KLHL6: variants seen among roughly 807,000 people sequenced by gnomAD.
KLHL6 encodes the protein kelch like family member 6, also known as kelch-like protein 6.
Under a neutral mutation model 58.6 loss-of-function variants are expected in KLHL6, and 41 were observed. That is an observed-to-expected ratio of 0.70 (90% CI 0.55 to 0.91). The LOEUF is 0.91. Among genes scored for constraint, KLHL6 ranks in the 40% least tolerant of loss-of-function variants. The pLI is 0.00. For synonymous variants in KLHL6, 338 were observed against 322.7 expected (o/e 1.05, Z -0.51); for missense variants, 714 against 805.6 (o/e 0.89, Z 1.38).
chr3:183,508,607 C>T, intron 2 of KLHL6, 99 bp from the exon 3 acceptor site: 1 of 970,240 alleles, frequency 1.0e-6, no homozygotes, highest in Admixed American at 2.5e-5. Context: ...TTGGAAACAA[C>T]CTAAATGTCC....
rs1392495660 is a variant in KLHL6 at position 183,549,343 on chromosome 3, T to G, written c.293+6018A>C. ...TGTAACACCAGGGTCAGGCCCTATA[T>G]TTTCCACTTTTAATATTTTCCAATA... On this transcript the variant is annotated intron_variant, in intron 1 of 6. Transcript: ENST00000341319. 3.3e-5 allele frequency among the ~76,000 whole-genome samples: 5 copies of G among 152,318 alleles called. No homozygotes were observed. In the East Asian group the frequency reaches 9.6e-4, roughly 29 times the overall value.
chr3:183,524,323 A>G (rs1290912638), intron 2 of KLHL6, among the ~76,000 whole-genome samples: 2 of 152,246 alleles, frequency 1.3e-5, no homozygotes, highest in South Asian at 4.1e-4. Context: ...ATCCCACCGC[A>G]TGTGAGAACA....
rs372105994 is a variant in KLHL6, at chr3:183,524,326, T to TGA, written c.459+3517_459+3518dup. Among the ~76,000 whole-genome samples, 886 of 152,346 alleles carry TGA rather than the reference T, an allele frequency of 5.8e-3. 5 individuals are homozygous for TGA. The highest frequency in any genetic ancestry group is 0.02 in the African/African-American group (829 of 41,584). On this transcript the variant is annotated intron_variant, in intron 2 of 6. Transcript: ENST00000341319. Reference sequence around the variant, plus strand: ...TTCATTTCAAAGATCCCACCGCATGTGAGAACAGGTCCCTTAGGCCTTTCC... The same window carrying TGA: ...TTCATTTCAAAGATCCCACCGCATGTGAGAGAACAGGTCCCTTAGGCCTTTCC...
rs1717521120 is a variant in KLHL6 at position 183,490,678 on chromosome 3, GCC to G, written c.*1247_*1248del. On this transcript the variant is annotated 3_prime_UTR_variant, in exon 7 of 7. Transcript: ENST00000341319. ...AAATTAGCCAGGCGCGGTGGCAGGT[GCC>G]TGTAATCCCAGCTACTCAGGAGGCT... The G allele has an allele frequency of 6.6e-6, 1 of 152,016 alleles. No individual in the cohort carries two copies. Among genetic ancestry groups the G allele is most frequent in the Non-Finnish European group, 1.5e-5 (1 of 68,052 alleles). The allele number at this position is 152,016 out of a possible 1,614,324, so 9.4% of individuals were successfully genotyped here. A position where few individuals can be genotyped will look rare whatever the true frequency, so the allele number is the denominator to read the frequency against.
chr3:183,545,289 A>C (rs1293265482), intron 1 of KLHL6, among the ~76,000 whole-genome samples: 1 of 152,218 alleles, frequency 6.6e-6, no homozygotes, highest in East Asian at 1.9e-4. Flanking sequence ...CGCTCATGGC[A>C]GTTTTACCAA....
At chr3:183,524,804 C>T (rs1335175712) in intron 2 of KLHL6, among the ~76,000 whole-genome samples, 2 of 152,180 alleles carry the variant, frequency 1.3e-5, no homozygotes, top group African/African-American at 4.8e-5. Context: ...AATCTGATTC[C>T]TGTTCATTTC....
At position 183,488,695 on chromosome 3, in the gene KLHL6, G is replaced by A. The variant is rs970177019; in HGVS notation, c.*3232C>T. 6.6e-6 allele frequency: 1 copy of A among 152,200 alleles called. No homozygotes were observed. The highest frequency in any genetic ancestry group is 6.5e-5 in the Admixed American group (1 of 15,288). The allele number at this position is 152,200 out of a possible 1,614,324, so 9.4% of individuals were successfully genotyped here. A position where few individuals can be genotyped will look rare whatever the true frequency, so the allele number is the denominator to read the frequency against. ...CAGTTACCTTCCTGCAAATGTGTTCGTCTTTATTTCTTGAAATGGATTTTA... is the reference window on the plus strand; with the variant it reads ...CAGTTACCTTCCTGCAAATGTGTTCATCTTTATTTCTTGAAATGGATTTTA... On this transcript the variant is annotated 3_prime_UTR_variant, in exon 7 of 7. Transcript: ENST00000341319.
intron 2 of KLHL6, among the ~76,000 whole-genome samples, chr3:183,517,066 A>G (rs4859119): frequency 0.82 from 124,914 of 151,940 alleles, 51,626 homozygotes; most frequent in East Asian, 0.98. Flanking sequence ...GCACCACCAC[A>G]CCCAGCTAAT....
intron 3 of KLHL6, among the ~76,000 whole-genome samples, chr3:183,500,716 G>A (rs1717844674): frequency 6.6e-6 from 1 of 152,124 alleles, no homozygotes; most frequent in Admixed American, 6.5e-5. Flanking sequence ...GCCCTTCCCT[G>A]GTTCCATTGA....
rs114594014 is a variant in KLHL6, at chr3:183,527,487, C to T, written c.459+358G>A. ...GATGAAACCAGGAGACATCAGTAAC[C>T]CCAAACCACAGAAGAGCCACTGGCT... On this transcript the variant is annotated intron_variant, in intron 2 of 6. Coordinates refer to ENST00000341319, the MANE Select transcript of KLHL6 (RefSeq NM_130446.4). Among the ~76,000 whole-genome samples the T allele has an allele frequency of 5.4e-3, 826 of 152,094 alleles. 6 individuals carry two copies. The highest frequency in any genetic ancestry group is 0.019 in the African/African-American group (788 of 41,476).
rs117925090 is a variant in KLHL6, at chr3:183,516,285, G to A, written c.460-7777C>T. Among the ~76,000 whole-genome samples the A allele has an allele frequency of 2.0e-5, 3 of 152,300 alleles. No homozygotes were observed. In the East Asian group the frequency reaches 5.8e-4, roughly 29 times the overall value. ...AACTGATGATGCGCAGGGCAATCAT[G>A]GGAACCAGAAATGGGTTTCTTTTAA... On this transcript the variant is annotated intron_variant, in intron 2 of 6. Transcript: ENST00000341319.
Position 183,527,857 on chromosome 3 carries a change from A to G in KLHL6, c.447T>C (p.Ala149=). The part of the protein sequence containing the change: ...KQNVQRVLEA[A]NLFQFLRMVD... ...TTTGTTCACACACCTGGAAGAGGTT[A>G]GCAGCCTCCAGGACCCGCTGGACAT... Residue 149 remains alanine (A), a synonymous_variant, in exon 2 of 7, where the codon GCT becomes GCC. Transcript: ENST00000341319. 12 of 1,613,992 alleles carry G rather than the reference A, an allele frequency of 7.4e-6. No individual in the cohort carries two copies. The highest frequency in any genetic ancestry group is 1.0e-5 in the Non-Finnish European group (12 of 1,179,980).
chr3:183,492,523 A>C lies in KLHL6; in HGVS notation c.1535T>G (p.Val512Gly). 6.2e-7 allele frequency: 1 copy of C among 1,614,192 alleles called. No individual in the cohort carries two copies. Among genetic ancestry groups the C allele is most frequent in the Non-Finnish European group, 8.5e-7 (1 of 1,180,030 alleles). Residue 512 changes from valine to glycine, a missense_variant, in exon 6 of 7, where the codon GTG (valine) becomes GGG (glycine). Coordinates refer to ENST00000341319, the MANE Select transcript of KLHL6 (RefSeq NM_130446.4). The surrounding 1 kb of genome is among the most constrained non-coding windows in gnomAD (Gnocchi z 5.9). ...MPVEAKCINA[V>G]SFRDRIYVVG... is the part of the protein sequence containing the mutation. The stretch of plus-strand genomic sequence containing the variant: ...GACATAGATGCGGTCCCGGAAACTC[A>C]CTGCATTGATGCATTTAGCCTCCAC...
In KLHL6 at chr3:183,492,626, T is replaced by C; in HGVS notation, c.1432A>G (p.Asn478Asp). The change falls in exon 6 of 7, where the codon AAT becomes GAT. Residue 478 changes from asparagine to aspartate, a missense_variant. This residue lies in a region of KLHL6 where 510 missense variants were observed against 629.7 expected (regional missense o/e 0.81). Coordinates refer to ENST00000341319, the MANE Select transcript of KLHL6 (RefSeq NM_130446.4). The surrounding 1 kb of genome is among the most constrained non-coding windows in gnomAD (Gnocchi z 5.9). ...KKLYVIGGGP[N>D]GKLATDKTQC... is the part of the protein sequence containing the mutation. ...GTCTTGTCTGTGGCCAGTTTCCCAT[T>C]GGGCCCTCCCCCGATCACATACAGC... 6.2e-7 allele frequency: 1 copy of C among 1,614,182 alleles called. No homozygotes were observed. Among genetic ancestry groups the C allele is most frequent in the Non-Finnish European group, 8.5e-7 (1 of 1,180,038 alleles).
rs1208623436 is a variant in KLHL6, at chr3:183,534,931, TACATATATATATATATA to T, written c.294-6938_294-6922del. Reference sequence around the variant, plus strand: ...GTATGTATATATGTATGCATATATATACATATATATATATATATATTTTTTTTTTTTGAGACAGAGTC... The same window carrying T: ...GTATGTATATATGTATGCATATATATTATTTTTTTTTTTTGAGACAGAGTC... On this transcript the variant is annotated intron_variant, in intron 1 of 6. Coordinates refer to ENST00000341319, the MANE Select transcript of KLHL6 (RefSeq NM_130446.4). 1.9e-3 allele frequency among the ~76,000 whole-genome samples: 189 copies of T among 100,380 alleles called. No homozygotes were observed. In the East Asian group the frequency reaches 0.051, roughly 27 times the overall value. The allele number at this position is 100,380 out of a possible 152,430, so 65.9% of individuals were successfully genotyped here. A position where few individuals can be genotyped will look rare whatever the true frequency, so the allele number is the denominator to read the frequency against.
intron 1 of KLHL6, among the ~76,000 whole-genome samples, chr3:183,537,961 C>T (rs930141456): frequency 3.3e-5 from 5 of 152,116 alleles, no homozygotes; most frequent in Non-Finnish European, 7.4e-5. Flanking sequence ...AGTGCCACCA[C>T]CAAGTAGGGA....
intron 2 of KLHL6, among the ~76,000 whole-genome samples, chr3:183,512,837 A>G (rs945112043): frequency 6.6e-6 from 1 of 151,754 alleles, no homozygotes; most frequent in African/African-American, 2.4e-5. Flanking sequence ...TATATAAAAT[A>G]AAGTCATAGA....
At chr3:183,512,761 C>T (rs2108677278) in intron 2 of KLHL6, among the ~76,000 whole-genome samples, 1 of 151,950 alleles carries the variant, frequency 6.6e-6, no homozygotes. Flanking sequence ...AAAGTGTTGG[C>T]ATTACAGGCA....
chr3:183,489,999 G>T lies in KLHL6; in HGVS notation c.*1928C>A, dbSNP rs1266505407. 1 of 152,132 alleles carries T rather than the reference G, an allele frequency of 6.6e-6. No homozygotes were observed. Among genetic ancestry groups the T allele is most frequent in the Non-Finnish European group, 1.5e-5 (1 of 68,030 alleles). 9.4% of individuals were successfully genotyped at this position (152,132 alleles called of 1,614,324 possible). The stretch of plus-strand genomic sequence containing the variant: ...ATTGAAATCATATGATGAAAATAAA[G>T]TCCATTGGGTAACGCAGTTACTATG... On this transcript the variant is annotated 3_prime_UTR_variant, in exon 7 of 7. Transcript: ENST00000341319.
Sources: allele counts gnomAD v4.1 joint callset (sites outside exome capture counted in the v4.1 genomes callset), GRCh38; gene constraint gnomAD v4.1.1; regional missense constraint gnomAD v4.1.1; non-coding constraint Gnocchi (gnomAD v3.1); transcripts MANE v1.5; gene names NCBI Gene and HGNC (gene_info 2026-07-23, HGNC 2026-07-21).